Variants in NPTN observed in about 807,000 individuals in gnomAD.
NPTN encodes SDR-1.
A neutral mutation model predicts 42.7 loss-of-function variants in NPTN; 5 were observed. The observed-to-expected ratio is 0.12, with a 90% CI of 0.06 to 0.25. The LOEUF (loss-of-function observed/expected upper bound fraction) is 0.25, where lower values mean the gene tolerates loss of function less well. Ranked by LOEUF, NPTN falls within the 10% of genes least tolerant of loss-of-function variation. The pLI, the probability that NPTN is intolerant of heterozygous loss-of-function variation, is 1.00. For synonymous variants in NPTN, 180 were observed against 201.9 expected (o/e 0.89, Z 0.92); for missense variants, 307 against 525.4 (o/e 0.58, Z 4.06).
intron 5 of NPTN, among the ~76,000 whole-genome samples, chr15:73,571,853 G>C (rs1235005734): frequency 6.6e-6 from 1 of 152,124 alleles, no homozygotes; most frequent in Non-Finnish European, 1.5e-5. Context: ...ATCTGAAATG[G>C]GGAACTCGTA....
chr15:73,628,371 T>C (rs924172445), intron 1 of NPTN, among the ~76,000 whole-genome samples: 1 of 152,244 alleles, frequency 6.6e-6, no homozygotes, highest in African/African-American at 2.4e-5. Context: ...CATTCTCTAC[T>C]TCTGATCCTG....
intron 1 of NPTN, among the ~76,000 whole-genome samples, chr15:73,598,461 G>A (rs1269591375): frequency 1.3e-5 from 2 of 150,834 alleles, no homozygotes; most frequent in African/African-American, 4.9e-5. Context: ...GGTGGAAATG[G>A]CAGAAAGAGT....
Position 73,597,435 on chromosome 15 carries a change from T to C in NPTN, c.92-66A>G. The C allele has an allele frequency of 8.5e-7, 1 of 1,179,384 alleles. No homozygotes were observed. The highest frequency in any genetic ancestry group is 2.7e-5 in the Admixed American group (1 of 37,360). The allele number at this position is 1,179,384 out of a possible 1,614,324, so 73.1% of individuals were successfully genotyped here. ...AGAAAAAAAAAAAAGAATCAACAGGTGTTAATAGTAATTTAAAGAAAAGAA... is the reference window on the plus strand; with the variant it reads ...AGAAAAAAAAAAAAGAATCAACAGGCGTTAATAGTAATTTAAAGAAAAGAA... On this transcript the variant is annotated intron_variant, in intron 1 of 8. Transcript: ENST00000345330. The surrounding 1 kb of genome is among the most constrained non-coding windows in gnomAD (Gnocchi z 6.3).
At chr15:73,586,159 T>G (rs995385234) in intron 4 of NPTN, among the ~76,000 whole-genome samples, 1 of 152,218 alleles carries the variant, frequency 6.6e-6, no homozygotes, top group Admixed American at 6.5e-5. Flanking sequence ...CCTGCCTCTC[T>G]GCACTTGGAC....
At chr15:73,622,316 C>T (rs1022398351) in intron 1 of NPTN, among the ~76,000 whole-genome samples, 3 of 152,222 alleles carry the variant, frequency 2.0e-5, no homozygotes, top group Non-Finnish European at 4.4e-5. Context: ...TCAATCACAT[C>T]TTCATTTATA....
intron 1 of NPTN, among the ~76,000 whole-genome samples, chr15:73,619,644 G>A (rs1489557313): frequency 1.3e-5 from 2 of 152,200 alleles, no homozygotes; most frequent in Non-Finnish European, 2.9e-5. Context: ...CATATTTAGC[G>A]TTATAAGCAT....
intron 4 of NPTN, among the ~76,000 whole-genome samples, chr15:73,583,226 T>C (rs1441972479): frequency 1.3e-5 from 2 of 152,224 alleles, no homozygotes; most frequent in Admixed American, 6.5e-5. Context: ...CTGTGTTTAA[T>C]GGCAGGACCA....
At chr15:73,600,445 A>T (rs1389639900) in intron 1 of NPTN, among the ~76,000 whole-genome samples, 1 of 152,226 alleles carries the variant, frequency 6.6e-6, no homozygotes, top group Non-Finnish European at 1.5e-5. Flanking sequence ...ATCATATTCA[A>T]AATTCATTTA....
At chr15:73,567,141 C>T (rs1008662003) in intron 6 of NPTN, 1 of 983,644 alleles carries the variant, frequency 1.0e-6, no homozygotes, top group African/African-American at 1.8e-5. Context: ...TGCTTTTATA[C>T]TTTTGTATTG....
At chr15:73,576,364 T>C (rs1026455975) in intron 4 of NPTN, among the ~76,000 whole-genome samples, 1 of 152,158 alleles carries the variant, frequency 6.6e-6, no homozygotes, top group Non-Finnish European at 1.5e-5. Flanking sequence ...AGTCTCTCTC[T>C]GTTGGCCAGG....
intron 1 of NPTN, among the ~76,000 whole-genome samples, chr15:73,627,918 T>C (rs1566994236): frequency 6.6e-6 from 1 of 152,262 alleles, no homozygotes; most frequent in East Asian, 1.9e-4. Flanking sequence ...GCCTAAAATA[T>C]GTAACCATTT....
Position 73,618,734 on chromosome 15 carries a change from G to A in NPTN, c.91+14391C>T, listed in dbSNP as rs183870451. ...CACCTGTGGTCCCACTACTCGGGAG[G>A]CTGGGGTAGAAGGATCACTTGAGCC... On this transcript the variant is annotated intron_variant, in intron 1 of 8. Coordinates refer to ENST00000345330, the MANE Select transcript of NPTN (RefSeq NM_012428.4). 7.8e-4 allele frequency among the ~76,000 whole-genome samples: 119 copies of A among 152,190 alleles called. 3 individuals carry two copies. In the East Asian group the frequency reaches 0.018, roughly 23 times the overall value.
chr15:73,616,694 T>C (rs1003799811), intron 1 of NPTN, among the ~76,000 whole-genome samples: 3 of 152,194 alleles, frequency 2.0e-5, no homozygotes, highest in African/African-American at 4.8e-5. Flanking sequence ...CATGATTAAG[T>C]AGAATTTTCA....
At chr15:73,573,576 C>G in intron 5 of NPTN, 86 bp downstream of exon 5, 2 of 1,410,550 alleles carry the variant, frequency 1.4e-6, no homozygotes, top group Non-Finnish European at 1.9e-6. Context: ...TCCGAGGATA[C>G]AGCTACTACA....
intron 6 of NPTN, 58 bp from the exon 7 acceptor site, chr15:73,563,315 CTG>C (rs1415314425): frequency 4.4e-6 from 7 of 1,604,176 alleles, no homozygotes; most frequent in African/African-American, 2.7e-5. Context: ...AAGGAGAAAA[CTG>C]TTAGATTCTG....
intron 4 of NPTN, among the ~76,000 whole-genome samples, chr15:73,581,496 G>A (rs1387095538): frequency 6.6e-6 from 1 of 152,166 alleles, no homozygotes; most frequent in South Asian, 2.1e-4. Context: ...ACATATTCTA[G>A]TCACACTGGT....
intron 1 of NPTN, among the ~76,000 whole-genome samples, chr15:73,618,848 C>CAAAAA (rs897803008): frequency 1.3e-4 from 20 of 151,632 alleles, no homozygotes; most frequent in Non-Finnish European, 2.4e-4. Context: ...CAAAACAAAA[C>CAAAAA]AAAAACACCT....
chr15:73,584,094 C>T (rs1896195252), intron 4 of NPTN, among the ~76,000 whole-genome samples: 1 of 152,168 alleles, frequency 6.6e-6, no homozygotes, highest in Non-Finnish European at 1.5e-5. Flanking sequence ...AAGACTGAAA[C>T]TCATTTGAAA....
Position 73,573,654 on chromosome 15 carries a change from C to A in NPTN, c.840+8G>T. ...GCAACCAGAGACCCGGGCCTGCCTC[C>A]TACTCACCATGGGCATCCCGTTCTC... On this transcript the variant is annotated splice_region_variant and intron_variant, in intron 5 of 8. Transcript: ENST00000345330. 6.4e-7 allele frequency: 1 copy of A among 1,564,370 alleles called. No individual in the cohort carries two copies. The highest frequency in any genetic ancestry group is 8.6e-7 in the Non-Finnish European group (1 of 1,158,906).
Sources: gnomAD v4.1 joint callset for allele counts (sites outside exome capture counted in the v4.1 genomes callset) on GRCh38, gnomAD v4.1.1 for gene constraint, Gnocchi (gnomAD v3.1) non-coding constraint, MANE v1.5 for transcripts, NCBI Gene and HGNC (gene_info 2026-07-23, HGNC 2026-07-21) for gene names.